Variants in GLIS3 observed in about 807,000 individuals in gnomAD.
GLIS3 encodes zinc finger protein GLIS3.
GLIS3 carries 53 observed loss-of-function variants against 78.6 expected under a neutral mutation model. That is an observed-to-expected ratio of 0.67 (90% CI 0.54 to 0.85). The LOEUF is 0.85. GLIS3 is among the 40% of genes least tolerant of loss of function. The pLI, the probability that GLIS3 is intolerant of heterozygous loss-of-function variation, is 0.00. For missense variants in GLIS3, 1,703 were observed against 1,231.1 expected (o/e 1.38, Z -5.74); for synonymous variants, 684 against 509.9 (o/e 1.34, Z -4.60).
At chr9:4,213,758 T>G (rs1377505181) in intron 2 of GLIS3, among the ~76,000 whole-genome samples, 1 of 152,188 alleles carries the variant, frequency 6.6e-6, no homozygotes, top group Non-Finnish European at 1.5e-5. Context: ...ATAATATACA[T>G]GTGCTCTGAG....
At chr9:3,951,882 A>ACACACGCACG (rs756794557) in intron 4 of GLIS3, among the ~76,000 whole-genome samples, 2 of 147,414 alleles carry the variant, frequency 1.4e-5, no homozygotes, top group African/African-American at 5.1e-5. Context: ...ACACACACAC[A>ACACACGCACG]CACGCACGCA....
chr9:4,121,337 T>C (rs189731921), intron 3 of GLIS3, among the ~76,000 whole-genome samples: 4 of 152,350 alleles, frequency 2.6e-5, no homozygotes, highest in East Asian at 1.9e-4. Flanking sequence ...GTGGGTGTTA[T>C]ATTCTTCAAT....
the GLIS3 span, among the ~76,000 whole-genome samples, chr9:4,479,856 CCCTT>C: frequency 0.011 from 1,714 of 151,902 alleles, 25 homozygotes; most frequent in African/African-American, 0.039. Flanking sequence ...TCTCCTGTCT[CCCTT>C]CCTTCTTCCC....
chr9:4,328,234 A>G (rs1817631322), intron 2 of GLIS3, among the ~76,000 whole-genome samples: 1 of 152,132 alleles, frequency 6.6e-6, no homozygotes, highest in Admixed American at 6.5e-5. Context: ...GGAACAAGAG[A>G]ACCATCTCCA....
intron 2 of GLIS3, among the ~76,000 whole-genome samples, chr9:4,127,208 A>G (rs779784312): frequency 2.0e-5 from 3 of 152,194 alleles, no homozygotes; most frequent in South Asian, 2.1e-4. Context: ...CTAAAATCCA[A>G]GTGGTAATTG....
chr9:4,427,395 G>A, the GLIS3 span, among the ~76,000 whole-genome samples: 2 of 152,286 alleles, frequency 1.3e-5, no homozygotes, highest in Admixed American at 6.5e-5. Flanking sequence ...AATCAGAGAT[G>A]TCCTTCTGAA....
chr9:3,953,791 C>CTA (rs1401426160), intron 4 of GLIS3, among the ~76,000 whole-genome samples: 141 of 47,884 alleles, frequency 2.9e-3, no homozygotes, highest in Non-Finnish European at 4.8e-3. Flanking sequence ...CTCTCTCTCT[C>CTA]TCTCTATATA....
Position 4,298,535 on chromosome 9 carries a change from C to T in GLIS3, c.-99+886G>A, listed in dbSNP as rs527328202. On this transcript the variant is annotated intron_variant, in intron 1 of 10. Transcript: ENST00000381971. The stretch of plus-strand genomic sequence containing the variant: ...AGGTGTGTGTCTAGGAGAGAGCCGG[C>T]GGCTCACTCACGCTTTCCAGAGAGC... 5.1e-4 allele frequency: 188 copies of T among 370,942 alleles called. 1 individual carries two copies. Among genetic ancestry groups the T allele is most frequent in the Non-Finnish European group, 5.7e-4 (106 of 185,448 alleles). 23.0% of individuals were successfully genotyped at this position (370,942 alleles called of 1,614,324 possible).
At chr9:4,260,629 C>G (rs1825431743) in intron 2 of GLIS3, among the ~76,000 whole-genome samples, 1 of 151,760 alleles carries the variant, frequency 6.6e-6, no homozygotes, top group South Asian at 2.1e-4. Context: ...ACCTGTAGTC[C>G]CAGCTACTCA....
intron 6 of GLIS3, among the ~76,000 whole-genome samples, chr9:3,908,424 G>A (rs1318051725): frequency 1.3e-5 from 2 of 152,190 alleles, no homozygotes; most frequent in Non-Finnish European, 2.9e-5. Flanking sequence ...ACCAATTTGT[G>A]AGCCTCTGAG....
At chr9:4,212,487 T>C (rs1423307758) in intron 2 of GLIS3, among the ~76,000 whole-genome samples, 3 of 152,140 alleles carry the variant, frequency 2.0e-5, no homozygotes, top group Admixed American at 1.3e-4. Context: ...GGCTGAGGGT[T>C]ACAGACACAT....
intron 4 of GLIS3, among the ~76,000 whole-genome samples, chr9:4,008,317 A>T (rs1299373367): frequency 6.6e-6 from 1 of 152,160 alleles, no homozygotes; most frequent in Admixed American, 6.5e-5. Flanking sequence ...CTGGCATCTC[A>T]GGCAGGCTCA....
At chr9:4,262,933 CAAAAAA>C (rs34292499) in intron 2 of GLIS3, among the ~76,000 whole-genome samples, 1 of 97,884 alleles carries the variant, frequency 1.0e-5, no homozygotes, top group Admixed American at 1.1e-4. Context: ...GTGTTTGCCT[CAAAAAA>C]AAAAAAAAAA....
At chr9:4,324,531 T>G (rs773350262) in intron 2 of GLIS3, among the ~76,000 whole-genome samples, 4 of 150,482 alleles carry the variant, frequency 2.7e-5, no homozygotes, top group Non-Finnish European at 4.4e-5. Context: ...ATGGTAGTTA[T>G]TATTATGATT....
chr9:4,456,009 G>A, the GLIS3 span, among the ~76,000 whole-genome samples: 2 of 152,126 alleles, frequency 1.3e-5, no homozygotes, highest in African/African-American at 2.4e-5. Flanking sequence ...TCAGGAGGCT[G>A]AGGCAGGAGA....
rs549450044 is a variant in GLIS3, at chr9:4,213,296, C to A, written c.388+72742G>T. On this transcript the variant is annotated intron_variant, in intron 2 of 10. Coordinates refer to ENST00000381971, the MANE Select transcript of GLIS3 (RefSeq NM_001042413.2). ...TCCTCCAGGAAGCCATCCCTGACAA[C>A]CCAGCCACACCCTAATCTGGGCTAG... Among the ~76,000 whole-genome samples the A allele has an allele frequency of 1.1e-4, 17 of 152,320 alleles. No individual in the cohort carries two copies. The South Asian group carries it at 3.3e-3, about 30-fold the overall frequency.
At chr9:4,372,013 T>A in the GLIS3 span, among the ~76,000 whole-genome samples, 253 of 152,312 alleles carry the variant, frequency 1.7e-3, 1 homozygote, top group African/African-American at 5.8e-3. Flanking sequence ...CCTCCATGAA[T>A]AGGTCTGGTC....
intron 1 of GLIS3, among the ~76,000 whole-genome samples, chr9:4,289,578 A>C (rs1364525115): frequency 6.6e-6 from 1 of 152,030 alleles, no homozygotes; most frequent in African/African-American, 2.4e-5. Context: ...GCACCTTTCT[A>C]GTTAAAAATC....
At chr9:3,869,202 T>A (rs1820811362) in intron 8 of GLIS3, among the ~76,000 whole-genome samples, 1 of 152,200 alleles carries the variant, frequency 6.6e-6, no homozygotes, top group African/African-American at 2.4e-5. Context: ...GCTTAATATT[T>A]GATATGATGT....
Sources: gnomAD v4.1 joint callset for allele counts (sites outside exome capture counted in the v4.1 genomes callset) on GRCh38, gnomAD v4.1.1 for gene constraint, MANE v1.5 for transcripts, NCBI Gene and HGNC (gene_info 2026-07-23, HGNC 2026-07-21) for gene names.